ADORA2B: variants seen among roughly 807,000 people sequenced by gnomAD.
ADORA2B encodes the protein adenosine receptor A2b.
Under a neutral mutation model 20.8 loss-of-function variants are expected in ADORA2B, and 18 were observed. That is an observed-to-expected ratio of 0.87 (90% CI 0.60 to 1.29). The LOEUF (loss-of-function observed/expected upper bound fraction) is 1.29, where lower values mean the gene tolerates loss of function less well. ADORA2B is among the 50% of genes most tolerant of loss of function. The pLI, the probability that ADORA2B is intolerant of heterozygous loss-of-function variation, is 0.00. For synonymous variants in ADORA2B, 179 were observed against 178.3 expected, an observed-to-expected ratio of 1.00 and a Z score of -0.03; for missense variants, 441 against 422.7, an observed-to-expected ratio of 1.04 and a Z score of -0.38.
chr17:15,882,296 C>A, the ADORA2B span, among the ~76,000 whole-genome samples: 1 of 152,160 alleles, frequency 6.6e-6, no homozygotes, highest in Admixed American at 6.5e-5. Context: ...AGACCGGAAA[C>A]TCAGCCACCC....
At chr17:15,856,960 T>A in the ADORA2B span, among the ~76,000 whole-genome samples, 1,183 of 152,192 alleles carry the variant, frequency 7.8e-3, 7 homozygotes, top group Middle Eastern at 0.031. Flanking sequence ...TGGGAAAAAA[T>A]GTCCCCAGGA....
chr17:15,932,977 A>G, the ADORA2B span, among the ~76,000 whole-genome samples: 1 of 138,598 alleles, frequency 7.2e-6, no homozygotes, highest in Non-Finnish European at 1.5e-5. Context: ...TTTTTTTGAG[A>G]CGGAGTCTTG....
the ADORA2B span, among the ~76,000 whole-genome samples, chr17:15,862,211 CTTT>C: frequency 1.0e-5 from 1 of 96,288 alleles, no homozygotes. Context: ...CTTTTCTTTT[CTTT>C]TTTTTTTTTT....
intron 1 of ADORA2B, among the ~76,000 whole-genome samples, chr17:15,952,089 G>A (rs1969912188): frequency 6.6e-6 from 1 of 152,048 alleles, no homozygotes; most frequent in Admixed American, 6.6e-5. Context: ...GTCTGGAGAA[G>A]AGGGTAAATG....
At position 15,974,671 on chromosome 17, in the gene ADORA2B, T is replaced by G; in HGVS notation, c.336-8T>G. The G allele has an allele frequency of 6.2e-7, 1 of 1,609,672 alleles. No homozygotes were observed. Among genetic ancestry groups the G allele is most frequent in the Non-Finnish European group, 8.5e-7 (1 of 1,177,078 alleles). ...ACTGACCGTAACAGATGGTATTCTT[T>G]TAAACAGGTATAAAAGTTTGGTCAC... On this transcript the variant is annotated splice_polypyrimidine_tract_variant and splice_region_variant and intron_variant, in intron 1 of 1. Coordinates refer to ENST00000304222, the MANE Select transcript of ADORA2B (RefSeq NM_000676.4).
At chr17:15,953,112 G>C (rs971425073) in intron 1 of ADORA2B, among the ~76,000 whole-genome samples, 3 of 152,180 alleles carry the variant, frequency 2.0e-5, no homozygotes, top group African/African-American at 7.2e-5. Flanking sequence ...TGCAGAGCTG[G>C]GAGTGCAGGG....
At chr17:15,949,741 C>T (rs1277016670) in intron 1 of ADORA2B, among the ~76,000 whole-genome samples, 2 of 151,972 alleles carry the variant, frequency 1.3e-5, no homozygotes, top group South Asian at 2.1e-4. Context: ...CGTGGTGGCA[C>T]GCGCCTGTAA....
At chr17:15,901,561 C>T in the ADORA2B span, among the ~76,000 whole-genome samples, 1 of 152,066 alleles carries the variant, frequency 6.6e-6, no homozygotes, top group Non-Finnish European at 1.5e-5. Context: ...CCATTCTAGG[C>T]ATTTTCCATG....
At chr17:15,927,006 C>A in the ADORA2B span, among the ~76,000 whole-genome samples, 1 of 152,120 alleles carries the variant, frequency 6.6e-6, no homozygotes, top group African/African-American at 2.4e-5. Context: ...TAAGCAATCT[C>A]TTTGGTAGCC....
chr17:15,910,201 A>G, the ADORA2B span, among the ~76,000 whole-genome samples: 1 of 152,136 alleles, frequency 6.6e-6, no homozygotes, highest in Non-Finnish European at 1.5e-5. Flanking sequence ...GATCTGAGCC[A>G]CTTCAGAGCC....
chr17:15,859,185 G>T, the ADORA2B span, among the ~76,000 whole-genome samples: 2 of 152,070 alleles, frequency 1.3e-5, no homozygotes, highest in African/African-American at 4.8e-5. Context: ...TTGCCCTGAA[G>T]TAAATACCTC....
the ADORA2B span, among the ~76,000 whole-genome samples, chr17:15,918,892 C>T: frequency 6.6e-6 from 1 of 152,160 alleles, no homozygotes; most frequent in East Asian, 1.9e-4. Flanking sequence ...TTGGGACAGG[C>T]AGGTCACTCT....
chr17:15,970,600 C>G (rs1000354513), intron 1 of ADORA2B, among the ~76,000 whole-genome samples: 9 of 152,094 alleles, frequency 5.9e-5, no homozygotes, highest in African/African-American at 2.2e-4. Flanking sequence ...TCTTTGTTTT[C>G]TTTTCTTATT....
At chr17:15,919,102 A>G in the ADORA2B span, among the ~76,000 whole-genome samples, 1 of 152,174 alleles carries the variant, frequency 6.6e-6, no homozygotes, top group Non-Finnish European at 1.5e-5. Context: ...CCCTAAGCAG[A>G]TACACTCCAG....
At chr17:15,908,689 AC>A in the ADORA2B span, 1 of 156,692 alleles carries the variant, frequency 6.4e-6, no homozygotes, top group Non-Finnish European at 1.4e-5. Context: ...TCCTGGAAGC[AC>A]CTGATTACTG....
chr17:15,919,834 C>T, the ADORA2B span, among the ~76,000 whole-genome samples: 1 of 152,214 alleles, frequency 6.6e-6, no homozygotes, highest in South Asian at 2.1e-4. Flanking sequence ...CTTTCTCCAG[C>T]CACTTTTTAT....
At chr17:15,853,990 T>A in the ADORA2B span, among the ~76,000 whole-genome samples, 1 of 152,188 alleles carries the variant, frequency 6.6e-6, no homozygotes, top group Admixed American at 6.5e-5. Flanking sequence ...AGTTTCACTC[T>A]TGTTGCCCAG....
intron 1 of ADORA2B, among the ~76,000 whole-genome samples, chr17:15,950,083 A>AT (rs1401241136): frequency 6.6e-6 from 1 of 152,318 alleles, no homozygotes; most frequent in East Asian, 1.9e-4. Flanking sequence ...AAAACAAAAA[A>AT]CAACCAACCA....
At chr17:15,949,748 G>A (rs1191591144) in intron 1 of ADORA2B, among the ~76,000 whole-genome samples, 2 of 152,156 alleles carry the variant, frequency 1.3e-5, no homozygotes, top group African/African-American at 4.8e-5. Context: ...GCACGCGCCT[G>A]TAATCCCAGT....
Sources: allele counts gnomAD v4.1 joint callset (sites outside exome capture counted in the v4.1 genomes callset), GRCh38; gene constraint gnomAD v4.1.1; transcripts MANE v1.5; gene names NCBI Gene and HGNC (gene_info 2026-07-23, HGNC 2026-07-21).